The following NDST4 variants were observed in gnomAD, a reference collection of about 807,000 sequenced individuals.
NDST4 encodes N-heparan sulfate sulfotransferase 4.
NDST4 carries 63 observed loss-of-function variants against 100.8 expected under a neutral mutation model. That is an observed-to-expected ratio of 0.62 (90% CI 0.51 to 0.77). The LOEUF is 0.77. Ranked by LOEUF, NDST4 falls within the 30% of genes least tolerant of loss-of-function variation. The pLI is 0.00. For synonymous variants in NDST4, 377 were observed against 361.8 expected (o/e 1.04, Z -0.48); for missense variants, 943 against 1,018.4 (o/e 0.93, Z 1.01).
intron 2 of NDST4, among the ~76,000 whole-genome samples, chr4:115,057,417 GAGA>G (rs1728718969): frequency 1.3e-5 from 2 of 152,104 alleles, no homozygotes; most frequent in Admixed American, 6.6e-5. Flanking sequence ...GGAAGGGGAA[GAGA>G]AGAAGAATGA....
intron 6 of NDST4, among the ~76,000 whole-genome samples, chr4:114,884,416 T>C (rs1578364589): frequency 1.3e-5 from 2 of 152,278 alleles, no homozygotes; most frequent in Admixed American, 6.5e-5. Context: ...GAATTCTAAA[T>C]TCTGGCTAAG....
At chr4:114,935,092 A>G in intron 6 of NDST4, 114 bp downstream of exon 6, 1 of 814,358 alleles carries the variant, frequency 1.2e-6, no homozygotes, top group Non-Finnish European at 1.7e-6. Flanking sequence ...ATGCATGACC[A>G]GTAAGATGTG....
intron 1 of NDST4, among the ~76,000 whole-genome samples, chr4:115,086,415 A>G (rs1276077816): frequency 6.6e-6 from 1 of 152,048 alleles, no homozygotes; most frequent in Admixed American, 6.6e-5. Context: ...CCCATAAATA[A>G]CCAGTTGATA....
intron 2 of NDST4, among the ~76,000 whole-genome samples, chr4:114,997,050 T>C (rs1727181020): frequency 2.6e-5 from 4 of 152,116 alleles, no homozygotes; most frequent in Admixed American, 1.3e-4. Flanking sequence ...GTCTCTACCA[T>C]GGACAAAGTC....
At chr4:114,929,305 C>G (rs1725462915) in intron 6 of NDST4, among the ~76,000 whole-genome samples, 1 of 152,078 alleles carries the variant, frequency 6.6e-6, no homozygotes, top group South Asian at 2.1e-4. Flanking sequence ...CCCTTGAAAT[C>G]TGAGCAATAT....
chr4:114,856,630 T>G (rs2126190718), intron 7 of NDST4, among the ~76,000 whole-genome samples: 1 of 152,286 alleles, frequency 6.6e-6, no homozygotes, highest in Non-Finnish European at 1.5e-5. Context: ...CATTAAGAAA[T>G]GCTTAGGCCG....
chr4:115,096,048 A>T (rs904099292), intron 1 of NDST4, among the ~76,000 whole-genome samples: 1 of 151,902 alleles, frequency 6.6e-6, no homozygotes, highest in Non-Finnish European at 1.5e-5. Context: ...TTTAAATTCC[A>T]TAATCAATTA....
chr4:114,911,451 A>G (rs1186428020), intron 6 of NDST4, among the ~76,000 whole-genome samples: 1 of 152,178 alleles, frequency 6.6e-6, no homozygotes, highest in Non-Finnish European at 1.5e-5. Flanking sequence ...ACTCCCATTT[A>G]TTGACAAAAA....
At position 114,977,282 on chromosome 4, in the gene NDST4, A is replaced by G; in HGVS notation, c.979-8T>C. On this transcript the variant is annotated splice_polypyrimidine_tract_variant and splice_region_variant and intron_variant, in intron 2 of 13. Transcript: ENST00000264363. ...TTGAGTCTCTAGTAATGCCTGAAAT[A>G]AATAAGAAATTAACATGATTTTAGA... 1 of 1,567,138 alleles carries G rather than the reference A, an allele frequency of 6.4e-7. No individual in the cohort carries two copies. Among genetic ancestry groups the G allele is most frequent in the Non-Finnish European group, 8.7e-7 (1 of 1,146,530 alleles).
intron 6 of NDST4, among the ~76,000 whole-genome samples, chr4:114,888,512 C>T (rs1459186712): frequency 6.6e-6 from 1 of 152,134 alleles, no homozygotes; most frequent in Non-Finnish European, 1.5e-5. Flanking sequence ...TTGCGACTGC[C>T]TTATAATGCT....
chr4:114,930,212 C>T (rs1232306588), intron 6 of NDST4, among the ~76,000 whole-genome samples: 2 of 152,108 alleles, frequency 1.3e-5, no homozygotes, highest in Non-Finnish European at 1.5e-5. Context: ...TGAAATATCT[C>T]AGATATAGCT....
intron 6 of NDST4, among the ~76,000 whole-genome samples, chr4:114,878,899 A>G (rs1167485333): frequency 1.3e-5 from 2 of 152,058 alleles, no homozygotes; most frequent in Non-Finnish European, 2.9e-5. Context: ...TCGTCTGTAT[A>G]TACCAAGGCC....
intron 7 of NDST4, among the ~76,000 whole-genome samples, chr4:114,854,074 C>A (rs1484598100): frequency 6.6e-6 from 1 of 152,154 alleles, no homozygotes; most frequent in Non-Finnish European, 1.5e-5. Context: ...TTCGATCTAA[C>A]TATATTTTTG....
chr4:115,066,903 T>C lies in NDST4; in HGVS notation c.978+9156A>G, dbSNP rs138497804. Among the ~76,000 whole-genome samples the C allele has an allele frequency of 2.7e-3, 404 of 152,290 alleles. 1 individual carries two copies. The highest frequency in any genetic ancestry group is 9.3e-3 in the African/African-American group (385 of 41,562). The stretch of plus-strand genomic sequence containing the variant: ...CTACCACATTCTCTGTTGTGTGCCC[T>C]ATGTCAAACTCCACATTGTGATGTA... On this transcript the variant is annotated intron_variant, in intron 2 of 13. Coordinates refer to ENST00000264363, the MANE Select transcript of NDST4 (RefSeq NM_022569.3).
chr4:115,068,737 A>G (rs1413699091), intron 2 of NDST4, among the ~76,000 whole-genome samples: 2 of 150,924 alleles, frequency 1.3e-5, no homozygotes, highest in Non-Finnish European at 3.0e-5. Flanking sequence ...GAATAGCACG[A>G]ACCCGGAGGT....
At chr4:114,986,824 A>ATTT (rs1354529061) in intron 2 of NDST4, among the ~76,000 whole-genome samples, 1 of 110,998 alleles carries the variant, frequency 9.0e-6, no homozygotes, top group African/African-American at 3.3e-5. Flanking sequence ...ATATATATAT[A>ATTT]TATATATATT....
At chr4:115,041,316 A>T (rs1578476578) in intron 2 of NDST4, among the ~76,000 whole-genome samples, 2 of 152,132 alleles carry the variant, frequency 1.3e-5, no homozygotes. Flanking sequence ...AGACTATTAG[A>T]CAACTTATTT....
intron 2 of NDST4, among the ~76,000 whole-genome samples, chr4:115,030,469 T>C (rs1728090719): frequency 6.6e-6 from 1 of 152,126 alleles, no homozygotes; most frequent in African/African-American, 2.4e-5. Context: ...TTCTTTGTAA[T>C]GTCATCTTGA....
intron 2 of NDST4, among the ~76,000 whole-genome samples, chr4:114,981,074 A>G (rs1331835775): frequency 1.3e-5 from 2 of 152,060 alleles, no homozygotes; most frequent in East Asian, 1.9e-4. Context: ...TTAGCCTGGC[A>G]TGGTGGGGTG....
Sources: gnomAD v4.1 joint callset for allele counts (sites outside exome capture counted in the v4.1 genomes callset) on GRCh38, gnomAD v4.1.1 for gene constraint, MANE v1.5 for transcripts, NCBI Gene and HGNC (gene_info 2026-07-23, HGNC 2026-07-21) for gene names.